Variants in HEPHL1 observed in about 807,000 individuals in gnomAD.
HEPHL1 encodes the protein hephaestin like 1.
A neutral mutation model predicts 122.0 loss-of-function variants in HEPHL1; 123 were observed. The observed-to-expected ratio is 1.01, with a 90% CI of 0.87 to 1.17. The LOEUF (loss-of-function observed/expected upper bound fraction) is 1.17. Ranked by LOEUF, HEPHL1 falls within the 50% of genes most tolerant of loss-of-function variation. The probability of loss-of-function intolerance (pLI) is 0.00; values close to 1 mark genes in which losing one functional copy is unlikely to be tolerated. For missense variants in HEPHL1, 1,452 were observed against 1,430.5 expected (o/e 1.01, Z -0.24); for synonymous variants, 527 against 508.9 (o/e 1.04, Z -0.48).
rs202005678 is a variant in HEPHL1, at chr11:94,063,665, C to G, written c.573C>G (p.Asp191Glu). Reference protein sequence around the residue: ...CLTWVYHSHIDAPKDICSGLI... With the variant: ...CLTWVYHSHIEAPKDICSGLI... ...CCTGGGTGTACCATTCGCACATCGA[C>G]GCCCCAAAGGACATCTGCTCTGGGC... Residue 191 changes from aspartate (D) to glutamate (E), a missense_variant, in exon 3 of 20, where the codon GAC (aspartate) becomes GAG (glutamate). Physicochemically the swap from Asp to Glu is conservative, Grantham distance 45 (BLOSUM62 2). Coordinates refer to ENST00000315765, the MANE Select transcript of HEPHL1 (RefSeq NM_001098672.2). 2 of 1,613,836 alleles carry G rather than the reference C, an allele frequency of 1.2e-6. No individual in the cohort carries two copies. Among genetic ancestry groups the G allele is most frequent in the Admixed American group, 1.7e-5 (1 of 59,998 alleles).
At chr11:94,065,881 A>G (rs1252819708) in intron 4 of HEPHL1, among the ~76,000 whole-genome samples, 1 of 152,244 alleles carries the variant, frequency 6.6e-6, no homozygotes, top group Admixed American at 6.5e-5. Flanking sequence ...CATAGATTAC[A>G]TGTATCATAA....
intron 13 of HEPHL1, among the ~76,000 whole-genome samples, chr11:94,094,409 T>C (rs1412044942): frequency 1.3e-5 from 2 of 152,150 alleles, no homozygotes; most frequent in South Asian, 2.1e-4. Flanking sequence ...TGTTGGACAT[T>C]TGGGTTGGTT....
chr11:94,079,499 C>A (rs1401186), intron 9 of HEPHL1, among the ~76,000 whole-genome samples: 84,833 of 151,980 alleles, frequency 0.56, 23,840 homozygotes, highest in Admixed American at 0.62. Context: ...GAATAGTAGG[C>A]GCAAGGAGTA....
At chr11:94,030,632 G>A (rs549071643) in intron 1 of HEPHL1, among the ~76,000 whole-genome samples, 2 of 152,322 alleles carry the variant, frequency 1.3e-5, no homozygotes, top group South Asian at 2.1e-4. Context: ...GTATCATTGA[G>A]TGACTTCTGC....
chr11:94,045,606 C>T, intron 1 of HEPHL1, 67 bp from the exon 2 acceptor site: 1 of 1,367,130 alleles, frequency 7.3e-7, no homozygotes, highest in Non-Finnish European at 1.0e-6. Context: ...TTTATAAACT[C>T]CTAGTGGTAA....
chr11:94,084,336 TTAAATAAATAAATAAA>T (rs5793669), intron 10 of HEPHL1, among the ~76,000 whole-genome samples: 1,801 of 146,834 alleles, frequency 0.012, 18 homozygotes, highest in Middle Eastern at 0.018. Flanking sequence ...CTCTCTCTGT[TTAAATAAATAAATAAA>T]TAAATAAATA....
chr11:94,056,085 T>C (rs1044362899), intron 2 of HEPHL1: 4 of 328,208 alleles, frequency 1.2e-5, no homozygotes, highest in Middle Eastern at 9.8e-4. Context: ...AATACATTTA[T>C]AATGTTATAT....
chr11:94,094,323 T>G (rs962787878), intron 13 of HEPHL1, among the ~76,000 whole-genome samples: 1 of 152,022 alleles, frequency 6.6e-6, no homozygotes, highest in Admixed American at 6.6e-5. Context: ...ACAAAGGACA[T>G]GAACTCATCA....
intron 1 of HEPHL1, among the ~76,000 whole-genome samples, chr11:94,043,086 C>T (rs1945801466): frequency 6.6e-6 from 1 of 151,808 alleles, no homozygotes; most frequent in South Asian, 2.1e-4. Flanking sequence ...GTGCTTAACA[C>T]ATTTTTTAAA....
At chr11:94,026,351 GT>G (rs1661868195) in intron 1 of HEPHL1, among the ~76,000 whole-genome samples, 1 of 152,216 alleles carries the variant, frequency 6.6e-6, no homozygotes, top group South Asian at 2.1e-4. Flanking sequence ...AAAATATAAC[GT>G]TTCAGCTGTG....
At position 94,063,608 on chromosome 11, in the gene HEPHL1, T is replaced by C. The variant is rs752591167; in HGVS notation, c.516T>C (p.Tyr172=). The C allele has an allele frequency of 6.2e-7, 1 of 1,613,878 alleles. No individual in the cohort carries two copies. The highest frequency in any genetic ancestry group is 2.2e-5 in the East Asian group (1 of 44,874). Residue 172 remains tyrosine, a synonymous_variant, in exon 3 of 20, where the codon TAT becomes TAC. Coordinates refer to ENST00000315765, the MANE Select transcript of HEPHL1 (RefSeq NM_001098672.2). ...ACGTCTGGCCGGTGAGAGAAGAATA[T>C]GCACCTACTCCAGCCGATGCCAACT... ...YTYVWPVREE[Y]APTPADANCL... is the part of the protein sequence containing the mutation.
At position 94,064,459 on chromosome 11, in the gene HEPHL1, G is replaced by A; in HGVS notation, c.757G>A (p.Asp253Asn). The part of the protein sequence containing the change: ...ENIKHFCTNP[D>N]SVDKKDAVFQ... ...TATCAAACATTTCTGCACCAACCCT[G>A]ATTCAGTTGACAAGAAAGATGCTGT... The change falls in exon 4 of 20, where the codon GAT (aspartate) becomes AAT (asparagine). Residue 253 changes from aspartate to asparagine, a missense_variant. Transcript: ENST00000315765. 1 of 1,613,190 alleles carries A rather than the reference G, an allele frequency of 6.2e-7. No homozygotes were observed. Among genetic ancestry groups the A allele is most frequent in the Non-Finnish European group, 8.5e-7 (1 of 1,179,344 alleles).
intron 17 of HEPHL1, among the ~76,000 whole-genome samples, chr11:94,109,443 G>T (rs1427796757): frequency 2.0e-5 from 3 of 152,122 alleles, no homozygotes; most frequent in Non-Finnish European, 4.4e-5. Context: ...CTTACAAGGG[G>T]AGCATTTAGT....
At chr11:94,077,885 G>A (rs964600240) in intron 9 of HEPHL1, among the ~76,000 whole-genome samples, 1 of 152,154 alleles carries the variant, frequency 6.6e-6, no homozygotes, top group African/African-American at 2.4e-5. Context: ...ACCTTTGCGT[G>A]GCTAGTTCTT....
At chr11:94,105,105 A>G (rs990781839) in intron 16 of HEPHL1, among the ~76,000 whole-genome samples, 15 of 152,292 alleles carry the variant, frequency 9.8e-5, no homozygotes, top group Admixed American at 9.8e-4. Context: ...GCCAGGTTTA[A>G]TTGTCTCTGG....
chr11:94,113,654 GTTTT>G lies in HEPHL1; in HGVS notation c.*1766_*1769del, dbSNP rs201587732. On this transcript the variant is annotated 3_prime_UTR_variant, in exon 20 of 20. Coordinates refer to ENST00000315765, the MANE Select transcript of HEPHL1 (RefSeq NM_001098672.2). ...CCTTAGTAAGACAAGTTGTTCAGTT[GTTTT>G]TTTTTCTTTTCAGTTTATTTTTTTA... 22 of 149,822 alleles carry G rather than the reference GTTTT, an allele frequency of 1.5e-4. No individual in the cohort carries two copies. The highest frequency in any genetic ancestry group is 4.9e-4 in the African/African-American group (20 of 40,734). 9.3% of individuals were successfully genotyped at this position (149,822 alleles called of 1,614,324 possible).
rs1945829909 is a variant in HEPHL1 at position 94,045,805 on chromosome 11, C to T, written c.303C>T (p.Gly101=). ...IPKPPWLGFL[G]PILRAEVGDV... ...AACCTCCCTGGCTTGGATTCCTGGGCCCCATCTTGAGGGCCGAAGTGGGTG... is the reference window on the plus strand; with the variant it reads ...AACCTCCCTGGCTTGGATTCCTGGGTCCCATCTTGAGGGCCGAAGTGGGTG... The change falls in exon 2 of 20, where the codon GGC becomes GGT. Residue 101 remains glycine, a synonymous_variant. Coordinates refer to ENST00000315765, the MANE Select transcript of HEPHL1 (RefSeq NM_001098672.2). The T allele has an allele frequency of 6.2e-7, 1 of 1,613,802 alleles. No homozygotes were observed. The highest frequency in any genetic ancestry group is 1.1e-5 in the South Asian group (1 of 91,076).
chr11:94,064,568 C>A, intron 4 of HEPHL1, 58 bp downstream of exon 4: 2 of 1,156,066 alleles, frequency 1.7e-6, no homozygotes, highest in Non-Finnish European at 2.5e-6. Context: ...TAAGGTACTA[C>A]AAGGGATAAA....
In HEPHL1 at chr11:94,067,654, G is replaced by T; in HGVS notation, c.967G>T (p.Val323Phe). Residue 323 changes from valine to phenylalanine, a missense_variant, in exon 5 of 20, where the codon GTC becomes TTC. By Grantham distance (50) the Val-to-Phe change is conservative (BLOSUM62 -1). Coordinates refer to ENST00000315765, the MANE Select transcript of HEPHL1 (RefSeq NM_001098672.2). The stretch of plus-strand genomic sequence containing the variant: ...CAGCAGAGGGCATCGGACTGATGTC[G>T]TCAACCTGTTCCCAGCCACCTTCCT... ...FISRGHRTDVVNLFPATFLTT... is the reference protein window; with the variant it reads ...FISRGHRTDVFNLFPATFLTT... 6.2e-7 allele frequency: 1 copy of T among 1,613,676 alleles called. No homozygotes were observed. The highest frequency in any genetic ancestry group is 8.5e-7 in the Non-Finnish European group (1 of 1,179,720).
Sources: gnomAD v4.1 joint callset for allele counts (sites outside exome capture counted in the v4.1 genomes callset) on GRCh38, gnomAD v4.1.1 for gene constraint, MANE v1.5 for transcripts, NCBI Gene and HGNC (gene_info 2026-07-23, HGNC 2026-07-21) for gene names.